C1QTNF7: variants seen among roughly 807,000 people sequenced by gnomAD.
The protein encoded by C1QTNF7 is C1q and TNF related 7, also known as complement C1q tumor necrosis factor-related protein 7.
A neutral mutation model predicts 19.6 loss-of-function variants in C1QTNF7; 15 were observed. The observed-to-expected ratio is 0.76, with a 90% confidence interval of 0.51 to 1.18. C1QTNF7 has a LOEUF of 1.18. C1QTNF7 is among the 50% of genes most tolerant of loss of function. The pLI, the probability that C1QTNF7 is intolerant of heterozygous loss-of-function variation, is 0.00. For missense variants in C1QTNF7, 324 were observed against 359.7 expected, an observed-to-expected ratio of 0.90 and a Z score of 0.80; for synonymous variants, 142 against 137.5, an observed-to-expected ratio of 1.03 and a Z score of -0.23.
intron 1 of C1QTNF7, among the ~76,000 whole-genome samples, chr4:15,390,543 G>A (rs558377384): frequency 1.3e-5 from 2 of 152,212 alleles, no homozygotes; most frequent in Admixed American, 6.5e-5. Context: ...GAAGAAAAGC[G>A]AGATGGTCCA....
chr4:15,428,100 G>A lies in C1QTNF7; in HGVS notation c.-15G>A. The stretch of plus-strand genomic sequence containing the variant: ...AATCCTGCAGCAGCCCACCATCTAA[G>A]AGCAAGGTATGGTGTTTACTCTTTT... On this transcript the variant is annotated 5_prime_UTR_variant, in exon 1 of 3. Transcript: ENST00000444304. 2 of 985,020 alleles carry A rather than the reference G, an allele frequency of 2.0e-6. No homozygotes were observed. The highest frequency in any genetic ancestry group is 5.2e-4 in the Middle Eastern group (1 of 1,914). The allele number at this position is 985,020 out of a possible 1,614,324, so 61.0% of individuals were successfully genotyped here.
intron 1 of C1QTNF7, among the ~76,000 whole-genome samples, chr4:15,359,511 T>C (rs1301012673): frequency 6.6e-6 from 1 of 152,142 alleles, no homozygotes; most frequent in East Asian, 1.9e-4. Flanking sequence ...GTAGGACACT[T>C]AGCATCCCAG....
At position 15,376,342 on chromosome 4, in the gene C1QTNF7, G is replaced by A. The variant is rs184172216; in HGVS notation, c.13+36135G>A. Among the ~76,000 whole-genome samples the A allele has an allele frequency of 6.3e-3, 955 of 152,318 alleles. 9 individuals carry two copies. Among genetic ancestry groups the A allele is most frequent in the Non-Finnish European group, 7.4e-3 (506 of 68,030 alleles). On this transcript the variant is annotated intron_variant, in intron 1 of 2. Transcript: ENST00000295297. ...GGGAAATATTTACTGAGCATTTGTC[G>A]TGTGCTGGGCCCTTCCTAAACATGC...
intron 2 of C1QTNF7, among the ~76,000 whole-genome samples, chr4:15,439,976 C>A (rs973128733): frequency 6.6e-6 from 1 of 150,598 alleles, no homozygotes; most frequent in Non-Finnish European, 1.5e-5. Context: ...AAATCAATGT[C>A]TTATATAGAT....
rs977770204 is a variant in C1QTNF7, at chr4:15,442,879, A to C, written c.*80A>C. On this transcript the variant is annotated 3_prime_UTR_variant, in exon 3 of 3. Transcript: ENST00000444304. ...GTGGAACAAGCAGGAATGGGATCCA[A>C]AGAGACTCCCACTCAGATTCTAAAG... The C allele has an allele frequency of 7.4e-7, 1 of 1,359,604 alleles. No individual in the cohort carries two copies. The highest frequency in any genetic ancestry group is 1.5e-5 in the African/African-American group (1 of 68,584). The allele number at this position is 1,359,604 out of a possible 1,614,324, so 84.2% of individuals were successfully genotyped here. A position where few individuals can be genotyped will look rare whatever the true frequency, so the allele number is the denominator to read the frequency against.
At chr4:15,411,176 G>A (rs1163597582) in intron 1 of C1QTNF7, among the ~76,000 whole-genome samples, 1 of 152,130 alleles carries the variant, frequency 6.6e-6, no homozygotes, top group Non-Finnish European at 1.5e-5. Flanking sequence ...ATGTGCCAGT[G>A]TTCTTAAATA....
In C1QTNF7 at chr4:15,430,453, C is replaced by T. The variant is rs959550214; in HGVS notation, c.-9+2347C>T. Among the ~76,000 whole-genome samples the T allele has an allele frequency of 6.6e-5, 10 of 152,226 alleles. No individual in the cohort carries two copies. The East Asian group carries it at 1.7e-3, about 26-fold the overall frequency. On this transcript the variant is annotated intron_variant, in intron 1 of 2. Transcript: ENST00000444304. The stretch of plus-strand genomic sequence containing the variant: ...TACAAAAGTTAGCCAGGTGTGGTGG[C>T]ACACACTTGTAGTCCCAGCTACTCA...
chr4:15,362,009 G>A (rs1717359954), intron 1 of C1QTNF7, among the ~76,000 whole-genome samples: 1 of 152,164 alleles, frequency 6.6e-6, no homozygotes, highest in Non-Finnish European at 1.5e-5. Context: ...GTGAACTGCA[G>A]GGCACAGAAG....
intron 1 of C1QTNF7, among the ~76,000 whole-genome samples, chr4:15,401,374 G>T (rs1718991919): frequency 2.6e-5 from 4 of 152,252 alleles, no homozygotes; most frequent in East Asian, 1.9e-4. Flanking sequence ...TTTCATCAAG[G>T]CCAGCTGAGT....
At chr4:15,412,244 A>G (rs774625129) in intron 1 of C1QTNF7, among the ~76,000 whole-genome samples, 1 of 152,180 alleles carries the variant, frequency 6.6e-6, no homozygotes, top group Non-Finnish European at 1.5e-5. Context: ...TTCACTATAC[A>G]TTACAGTATA....
chr4:15,422,814 G>A (rs750790793), intron 1 of C1QTNF7, among the ~76,000 whole-genome samples: 5 of 151,914 alleles, frequency 3.3e-5, no homozygotes, highest in Admixed American at 1.3e-4. Flanking sequence ...GTAGAGATGG[G>A]GTTTTGCCAT....
intron 1 of C1QTNF7, among the ~76,000 whole-genome samples, chr4:15,406,285 G>A (rs1327078484): frequency 3.3e-5 from 5 of 152,174 alleles, no homozygotes; most frequent in Non-Finnish European, 2.9e-5. Context: ...ATGAGTGAGA[G>A]TATAGACCAG....
chr4:15,384,160 T>G (rs943271068), intron 1 of C1QTNF7, among the ~76,000 whole-genome samples: 1 of 152,168 alleles, frequency 6.6e-6, no homozygotes, highest in Non-Finnish European at 1.5e-5. Context: ...TGATAATGTT[T>G]TTCTCTAGGA....
At chr4:15,428,744 A>G (rs371327063) in intron 1 of C1QTNF7, among the ~76,000 whole-genome samples, 1 of 152,174 alleles carries the variant, frequency 6.6e-6, no homozygotes, top group African/African-American at 2.4e-5. Context: ...TCAGGTCTCC[A>G]TCCTGTCCCA....
At chr4:15,406,200 C>A (rs796900235) in intron 1 of C1QTNF7, among the ~76,000 whole-genome samples, 4 of 152,296 alleles carry the variant, frequency 2.6e-5, no homozygotes, top group African/African-American at 9.6e-5. Flanking sequence ...GGACATTTTT[C>A]TGTCTTATTT....
intron 1 of C1QTNF7, among the ~76,000 whole-genome samples, chr4:15,421,086 CAT>C (rs930462344): frequency 4.6e-5 from 7 of 151,772 alleles, no homozygotes; most frequent in African/African-American, 1.5e-4. Context: ...AAATGCCTCA[CAT>C]GTTTTTAGCA....
At chr4:15,345,248 A>G (rs1430185697) in intron 1 of C1QTNF7, among the ~76,000 whole-genome samples, 2 of 152,192 alleles carry the variant, frequency 1.3e-5, no homozygotes, top group Admixed American at 6.5e-5. Context: ...CTTCACACCA[A>G]TTATGCCCAG....
At chr4:15,415,978 A>G (rs185118733) in intron 1 of C1QTNF7, among the ~76,000 whole-genome samples, 9 of 152,318 alleles carry the variant, frequency 5.9e-5, no homozygotes, top group Non-Finnish European at 1.0e-4. Context: ...AAAATGTTAC[A>G]CTGTGATTAA....
At chr4:15,430,460 TTG>T (rs1354165622) in intron 1 of C1QTNF7, among the ~76,000 whole-genome samples, 1 of 152,176 alleles carries the variant, frequency 6.6e-6, no homozygotes, top group Non-Finnish European at 1.5e-5. Flanking sequence ...TGGCACACAC[TTG>T]TAGTCCCAGC....
Sources: gnomAD v4.1 joint callset for allele counts (sites outside exome capture counted in the v4.1 genomes callset) on GRCh38, gnomAD v4.1.1 for gene constraint, MANE v1.5 for transcripts, NCBI Gene and HGNC (gene_info 2026-07-23, HGNC 2026-07-21) for gene names.